ARMC3: variants seen among roughly 807,000 people sequenced by gnomAD.
ARMC3 encodes the protein armadillo repeat containing 3.
A neutral mutation model predicts 90.3 loss-of-function variants in ARMC3; 74 were observed. The observed-to-expected ratio is 0.82, with a 90% CI of 0.68 to 0.99. ARMC3 has a LOEUF of 0.99. ARMC3 is among the 50% of genes least tolerant of loss of function. The pLI, the probability that ARMC3 is intolerant of heterozygous loss-of-function variation, is 0.00. For missense variants in ARMC3, 958 were observed against 1,042.8 expected, an observed-to-expected ratio of 0.92 and a Z score of 1.12; for synonymous variants, 334 against 361.8, an observed-to-expected ratio of 0.92 and a Z score of 0.87.
At chr10:22,962,125 C>T (rs779792015) in intron 7 of ARMC3, 47 bp downstream of exon 7, 1 of 1,339,274 alleles carries the variant, frequency 7.5e-7, no homozygotes, top group Non-Finnish European at 9.9e-7. Context: ...ATGTATCTCT[C>T]CCAAATGTTT....
At chr10:22,994,987 T>C (rs1259581954) in intron 10 of ARMC3, among the ~76,000 whole-genome samples, 1 of 152,274 alleles carries the variant, frequency 6.6e-6, no homozygotes, top group African/African-American at 2.4e-5. Context: ...TGGAGACTAA[T>C]GATAGTAAAT....
intron 2 of ARMC3, among the ~76,000 whole-genome samples, chr10:22,938,577 G>A (rs1297347225): frequency 6.6e-6 from 1 of 152,184 alleles, no homozygotes; most frequent in East Asian, 1.9e-4. Context: ...TGAAGAAGAT[G>A]AGATGTGGCC....
chr10:22,956,700 ATT>A (rs1482732226), intron 4 of ARMC3, among the ~76,000 whole-genome samples: 1 of 148,526 alleles, frequency 6.7e-6, no homozygotes, highest in East Asian at 1.9e-4. Context: ...TATAATATAT[ATT>A]GAATAATATT....
rs1168844806 is a variant in ARMC3, at chr10:22,929,338, A to G, written c.-2+1232A>G. ...AAAGAAAGGAAAGGAAAGGAAAGGA[A>G]AGGAAAAGAAAAGAAATAGTATTGA... On this transcript the variant is annotated intron_variant, in intron 1 of 18. Coordinates refer to ENST00000298032, the MANE Select transcript of ARMC3 (RefSeq NM_173081.5). 2.0e-5 allele frequency among the ~76,000 whole-genome samples: 3 copies of G among 151,660 alleles called. No homozygotes were observed. In the East Asian group the frequency reaches 5.8e-4, roughly 29 times the overall value.
At position 23,029,860 on chromosome 10, in the gene ARMC3, A is replaced by G. The variant is rs540339879; in HGVS notation, c.2046-736A>G. ...AGATTACATGCCATTCTCATTTTGTAGGTTTTTTTTGCTTTATTTCCTTGT... is the reference window on the plus strand; with the variant it reads ...AGATTACATGCCATTCTCATTTTGTGGGTTTTTTTTGCTTTATTTCCTTGT... On this transcript the variant is annotated intron_variant, in intron 16 of 18. Coordinates refer to ENST00000298032, the MANE Select transcript of ARMC3 (RefSeq NM_173081.5). Among the ~76,000 whole-genome samples, 339 of 151,724 alleles carry G rather than the reference A, an allele frequency of 2.2e-3. 3 individuals carry two copies. Among genetic ancestry groups the G allele is most frequent in the African/African-American group, 7.8e-3 (322 of 41,060 alleles).
At chr10:22,978,557 A>G (rs1825035863) in intron 8 of ARMC3, among the ~76,000 whole-genome samples, 1 of 152,218 alleles carries the variant, frequency 6.6e-6, no homozygotes, top group Non-Finnish European at 1.5e-5. Context: ...TCTACTTTGT[A>G]TATAAACTCC....
At position 22,998,222 on chromosome 10, in the gene ARMC3, A is replaced by G. The variant is rs749021626; in HGVS notation, c.1250A>G (p.Asn417Ser). Reference protein sequence around the residue: ...LSSKRDGAIANAATVLTNMAM... With the variant: ...LSSKRDGAIASAATVLTNMAM... ...AGTAAACGAGATGGAGCCATTGCCAACGCTGCTACAGTATTAACAAACATG... is the reference window on the plus strand; with the variant it reads ...AGTAAACGAGATGGAGCCATTGCCAGCGCTGCTACAGTATTAACAAACATG... Residue 417 changes from asparagine to serine, a missense_variant, in exon 11 of 19, where the codon AAC (asparagine) becomes AGC (serine). Physicochemically the swap from Asn to Ser is conservative, Grantham distance 46. Transcript: ENST00000298032. The G allele has an allele frequency of 2.2e-5, 36 of 1,613,152 alleles. 1 individual carries two copies. In the South Asian group the frequency reaches 3.2e-4, roughly 14 times the overall value.
intron 8 of ARMC3, among the ~76,000 whole-genome samples, chr10:22,972,226 G>A (rs976861577): frequency 3.9e-5 from 6 of 152,170 alleles, no homozygotes; most frequent in Non-Finnish European, 7.3e-5. Flanking sequence ...TGGCTATGCT[G>A]TTTGCTGTTG....
chr10:22,986,488 G>T (rs1053784729), intron 10 of ARMC3, among the ~76,000 whole-genome samples: 2 of 148,560 alleles, frequency 1.3e-5, no homozygotes, highest in African/African-American at 5.0e-5. Flanking sequence ...GTAGGCAGAG[G>T]TTGCAGTGAG....
chr10:23,032,808 T>C, intron 17 of ARMC3, 53 bp from the exon 18 acceptor site: 1 of 1,537,982 alleles, frequency 6.5e-7, no homozygotes, highest in Non-Finnish European at 8.9e-7. Context: ...ACTCAAAGCA[T>C]CCTAAGCGAG....
Position 23,006,890 on chromosome 10 carries a change from C to G in ARMC3, c.1738C>G (p.Pro580Ala). 6.2e-7 allele frequency: 1 copy of G among 1,613,958 alleles called. No homozygotes were observed. Among genetic ancestry groups the G allele is most frequent in the Middle Eastern group, 1.6e-4 (1 of 6,062 alleles). ...DGFYDYGRIN[P>A]GTKLLPLKEL... ...TCCTTAAATTATCTCACAGATAAAT[C>G]CCGGCACCAAACTGTTGCCTTTGAA... Residue 580 changes from proline (P) to alanine (A), a missense_variant, in exon 14 of 19, where the codon CCC (proline) becomes GCC (alanine). Physicochemically the swap from Pro to Ala is conservative, Grantham distance 27 (BLOSUM62 -1). Coordinates refer to ENST00000298032, the MANE Select transcript of ARMC3 (RefSeq NM_173081.5).
intron 14 of ARMC3, among the ~76,000 whole-genome samples, chr10:23,007,672 CCTGGCAACAGAGCAAGA>C (rs1837687864): frequency 7.0e-6 from 1 of 141,848 alleles, no homozygotes; most frequent in Non-Finnish European, 1.5e-5. Context: ...TGCACTCTAG[CCTGGCAACAGAGCAAGA>C]CTCCGTCTCA....
intron 13 of ARMC3, chr10:23,006,666 C>T (rs1422338702): frequency 1.0e-5 from 5 of 484,580 alleles, no homozygotes; most frequent in South Asian, 6.5e-5. Flanking sequence ...GTAAAGCAAT[C>T]GAGATGATAA....
chr10:22,944,382 C>T (rs978807534), intron 2 of ARMC3, among the ~76,000 whole-genome samples: 3 of 152,006 alleles, frequency 2.0e-5, no homozygotes, highest in Non-Finnish European at 2.9e-5. Context: ...TGTTATTTTC[C>T]CCATTTGCAT....
intron 10 of ARMC3, among the ~76,000 whole-genome samples, chr10:22,992,144 G>T (rs957762141): frequency 3.9e-5 from 6 of 152,140 alleles, no homozygotes; most frequent in Non-Finnish European, 8.8e-5. Flanking sequence ...GAACAGATAG[G>T]TCAATAAAGG....
intron 14 of ARMC3, among the ~76,000 whole-genome samples, chr10:23,007,613 C>T (rs755314314): frequency 3.3e-5 from 5 of 150,596 alleles, no homozygotes; most frequent in Admixed American, 6.7e-5. Context: ...AGGAGAATCA[C>T]TTGAACCCGG....
intron 10 of ARMC3, among the ~76,000 whole-genome samples, chr10:22,985,616 A>G (rs561589406): frequency 1.3e-5 from 2 of 152,294 alleles, no homozygotes; most frequent in East Asian, 3.9e-4. Context: ...TTTGCTTCTC[A>G]GAGGCCATTC....
chr10:22,960,926 C>G (rs1835163453), intron 6 of ARMC3: 1 of 152,402 alleles, frequency 6.6e-6, no homozygotes, highest in East Asian at 1.9e-4. Flanking sequence ...TCTGTTGTCT[C>G]TCTCTCCTAA....
chr10:22,972,818 T>C (rs1337108603), intron 8 of ARMC3, among the ~76,000 whole-genome samples: 1 of 152,206 alleles, frequency 6.6e-6, no homozygotes, highest in Non-Finnish European at 1.5e-5. Context: ...ACCATCATTT[T>C]ATATTATCTA....
Sources: allele counts gnomAD v4.1 joint callset (sites outside exome capture counted in the v4.1 genomes callset), GRCh38; gene constraint gnomAD v4.1.1; transcripts MANE v1.5; gene names NCBI Gene and HGNC (gene_info 2026-07-23, HGNC 2026-07-21).